IQGAP1: variants seen among roughly 807,000 people sequenced by gnomAD.
The protein encoded by IQGAP1 is IQ motif containing GTPase activating protein 1.
In IQGAP1, 66 loss-of-function variants were observed where a neutral mutation model predicts 215.6. The ratio of observed to expected loss-of-function variants is 0.31; its 90% CI spans 0.25 to 0.38. IQGAP1 has a LOEUF of 0.38. Among genes scored for constraint, IQGAP1 ranks in the 10% least tolerant of loss-of-function variants. The probability of loss-of-function intolerance (pLI) is 1.00; values close to 1 mark genes in which losing one functional copy is unlikely to be tolerated. For synonymous variants in IQGAP1, 772 were observed against 728.7 expected, an observed-to-expected ratio of 1.06 and a Z score of -0.96; for missense variants, 1,712 against 1,997.1, an observed-to-expected ratio of 0.86 and a Z score of 2.72.
At chr15:90,473,399 G>A (rs1277685325) in intron 19 of IQGAP1, 4 of 398,924 alleles carry the variant, frequency 1.0e-5, no homozygotes, top group Non-Finnish European at 1.8e-5. Flanking sequence ...GTCCCCATCT[G>A]TAAAAGGGGA....
intron 4 of IQGAP1, among the ~76,000 whole-genome samples, chr15:90,430,485 AG>A (rs1451682064): frequency 6.6e-6 from 1 of 152,174 alleles, no homozygotes; most frequent in African/African-American, 2.4e-5. Context: ...TTTCTTTACA[AG>A]GGGTATTAAT....
chr15:90,453,316 T>C, intron 13 of IQGAP1, 24 bp downstream of exon 13: 1 of 1,579,020 alleles, frequency 6.3e-7, no homozygotes, highest in Admixed American at 1.8e-5. Context: ...GTGAAGGGAA[T>C]AAATCCATTA....
Position 90,494,718 on chromosome 15 carries a change from C to T in IQGAP1, c.4634C>T (p.Ser1545Phe). The change falls in exon 36 of 38, where the codon TCC (serine) becomes TTC (phenylalanine). Residue 1545 changes from serine (S) to phenylalanine (F), a missense_variant. Around this residue, in one of 2 missense-constraint regions of IQGAP1, gnomAD observed 691 missense variants for 923.0 expected, o/e 0.75. Transcript: ENST00000268182. Reference protein sequence around the residue: ...LDNLASKGKVSKKPREMKGKK... With the variant: ...LDNLASKGKVFKKPREMKGKK... The stretch of plus-strand genomic sequence containing the variant: ...ACATGATGTGATTTTTACAGAGTCT[C>T]CAAAAAGCCTAGGGAAATGAAAGGA... The T allele has an allele frequency of 6.2e-7, 1 of 1,605,228 alleles. No homozygotes were observed. The highest frequency in any genetic ancestry group is 8.5e-7 in the Non-Finnish European group (1 of 1,176,310).
At chr15:90,429,889 A>T (rs1193735904) in intron 4 of IQGAP1, 5 of 347,786 alleles carry the variant, frequency 1.4e-5, no homozygotes, top group Non-Finnish European at 2.6e-5. Context: ...CCCTGTGATG[A>T]TATCTACTTT....
At chr15:90,462,124 G>C (rs978512285) in intron 15 of IQGAP1, among the ~76,000 whole-genome samples, 1 of 151,680 alleles carries the variant, frequency 6.6e-6, no homozygotes, top group African/African-American at 2.4e-5. Flanking sequence ...GCCAAGATCG[G>C]GCCACTGCAC....
At chr15:90,453,094 T>G in intron 12 of IQGAP1, 38 bp from the exon 13 acceptor site, 1 of 1,576,038 alleles carries the variant, frequency 6.3e-7, no homozygotes, top group Non-Finnish European at 8.6e-7. Context: ...GGAGAATGTC[T>G]TTCCTCACTG....
chr15:90,498,356 CAAAA>C (rs10708658), intron 37 of IQGAP1, among the ~76,000 whole-genome samples: 2 of 146,630 alleles, frequency 1.4e-5, no homozygotes. Flanking sequence ...GTACTTCCAC[CAAAA>C]AAAAAAAAAG....
rs1343756264 is a variant in IQGAP1 at position 90,476,724 on chromosome 15, T to C, written c.2846T>C (p.Met949Thr). The change falls in exon 24 of 38, where the codon ATG (methionine) becomes ACG (threonine). Residue 949 changes from methionine to threonine, a missense_variant. Met to Thr is a moderately conservative substitution (Grantham distance 81). This residue lies in a region of IQGAP1 where 691 missense variants were observed against 923.0 expected (regional missense o/e 0.75). Transcript: ENST00000268182. ...AATAAGGAACAGTTGTCTGATATGATGATGATAAATAAACAGAAGGGAGGT... is the reference window on the plus strand; with the variant it reads ...AATAAGGAACAGTTGTCTGATATGACGATGATAAATAAACAGAAGGGAGGT... ...KKNKEQLSDM[M>T]MINKQKGGLK... 2 of 1,605,550 alleles carry C rather than the reference T, an allele frequency of 1.2e-6. No individual in the cohort carries two copies. The highest frequency in any genetic ancestry group is 1.1e-5 in the South Asian group (1 of 89,508).
intron 31 of IQGAP1, 58 bp from the exon 32 acceptor site, chr15:90,486,895 TC>T: frequency 2.0e-6 from 3 of 1,518,874 alleles, no homozygotes; most frequent in Non-Finnish European, 2.7e-6. Context: ...TTGTATTATT[TC>T]CCCCCAATAT....
chr15:90,433,624 C>T (rs1297390105), intron 4 of IQGAP1, 95 bp from the exon 5 acceptor site: 10 of 714,906 alleles, frequency 1.4e-5, no homozygotes, highest in African/African-American at 3.6e-5. Context: ...TGTTTTCTAA[C>T]TGTCCATAGT....
intron 6 of IQGAP1, 102 bp downstream of exon 6, chr15:90,439,501 TG>T: frequency 1.3e-6 from 1 of 798,482 alleles, no homozygotes. Flanking sequence ...AAAAATACAC[TG>T]GCAGTGGAGG....
At chr15:90,449,941 A>G (rs1316830489) in intron 11 of IQGAP1, among the ~76,000 whole-genome samples, 1 of 152,252 alleles carries the variant, frequency 6.6e-6, no homozygotes, top group Non-Finnish European at 1.5e-5. Context: ...CATACAATGT[A>G]TTATGATCAA....
chr15:90,469,611 C>A (rs1175019756), intron 18 of IQGAP1, among the ~76,000 whole-genome samples: 1 of 152,162 alleles, frequency 6.6e-6, no homozygotes, highest in Non-Finnish European at 1.5e-5. Context: ...ACAGCAGACA[C>A]AAAACCGAGT....
At chr15:90,456,367 G>C in intron 15 of IQGAP1, 52 bp downstream of exon 15, 1 of 1,573,504 alleles carries the variant, frequency 6.4e-7, no homozygotes, top group South Asian at 1.1e-5. Flanking sequence ...AGCCCTCCTA[G>C]AACAAAGGTA....
In IQGAP1 at chr15:90,483,357, C is replaced by T; in HGVS notation, c.3556-4C>T. On this transcript the variant is annotated splice_polypyrimidine_tract_variant and splice_region_variant and intron_variant, in intron 28 of 37. Transcript: ENST00000268182. ...TACCCATCTTTCTGTTTCGTCTGTT[C>T]CAGATTATTGGTAACTTGCTTTATT... The T allele has an allele frequency of 6.2e-7, 1 of 1,605,662 alleles. No individual in the cohort carries two copies. The highest frequency in any genetic ancestry group is 1.3e-5 in the African/African-American group (1 of 74,816).
rs747913653 is a variant in IQGAP1 at position 90,494,847 on chromosome 15, CT to C, written c.4751+17del. ...CTGCAAGTGAATCAGTGAGTCTTTG[CT>C]TTTTGTTTTATAAGTTGATTTTTAT... is the stretch of plus-strand genomic sequence containing the variant. On this transcript the variant is annotated intron_variant, in intron 36 of 37. Coordinates refer to ENST00000268182, the MANE Select transcript of IQGAP1 (RefSeq NM_003870.4). 1.3e-6 allele frequency: 2 copies of C among 1,583,172 alleles called. No individual in the cohort carries two copies. The highest frequency in any genetic ancestry group is 2.3e-5 in the East Asian group (1 of 44,208).
chr15:90,450,772 A>G (rs1371195923), intron 11 of IQGAP1, among the ~76,000 whole-genome samples: 1 of 130,266 alleles, frequency 7.7e-6, no homozygotes, highest in African/African-American at 2.9e-5. Context: ...TATTCAGCTT[A>G]TTTGCCCATG....
intron 5 of IQGAP1, among the ~76,000 whole-genome samples, chr15:90,436,007 C>T (rs371567208): frequency 6.6e-6 from 1 of 151,744 alleles, no homozygotes; most frequent in South Asian, 2.1e-4. Context: ...GGCTCCATCT[C>T]CCTTTGGATC....
chr15:90,426,175 A>G lies in IQGAP1; in HGVS notation c.221A>G (p.Asn74Ser). The change falls in exon 3 of 38, where the codon AAT becomes AGT. Residue 74 changes from asparagine (N) to serine (S), a missense_variant. Asn to Ser is a conservative substitution (Grantham distance 46, BLOSUM62 1). Around this residue, in one of 2 missense-constraint regions of IQGAP1, gnomAD observed 1,021 missense variants for 1,074.2 expected, o/e 0.95. Transcript: ENST00000268182. Reference sequence around the variant, plus strand: ...ACAGAACTGGAGGAGGGGCTTAGGAATGGGGTCTACCTTGCCAAACTGGGG... The same window carrying G: ...ACAGAACTGGAGGAGGGGCTTAGGAGTGGGGTCTACCTTGCCAAACTGGGG... ...PTTELEEGLR[N>S]GVYLAKLGNF... is the part of the protein sequence containing the mutation. 6.2e-7 allele frequency: 1 copy of G among 1,602,078 alleles called. No homozygotes were observed. Among genetic ancestry groups the G allele is most frequent in the Non-Finnish European group, 8.5e-7 (1 of 1,175,798 alleles).
Sources: allele counts gnomAD v4.1 joint callset (sites outside exome capture counted in the v4.1 genomes callset), GRCh38; gene constraint gnomAD v4.1.1; regional missense constraint gnomAD v4.1.1; transcripts MANE v1.5; gene names NCBI Gene and HGNC (gene_info 2026-07-23, HGNC 2026-07-21).